The following LAMA4 variants were observed in gnomAD, a reference collection of about 807,000 sequenced individuals.
LAMA4 encodes the protein laminin subunit alpha 4, also known as laminin subunit alpha-4.
A neutral mutation model predicts 207.1 loss-of-function variants in LAMA4; 127 were observed. That is an observed-to-expected ratio of 0.61 (90% CI 0.53 to 0.71). LAMA4 has a LOEUF of 0.71. Ranked by LOEUF, LAMA4 falls within the 30% of genes least tolerant of loss-of-function variation. The pLI is 0.00. For synonymous variants in LAMA4, 761 were observed against 816.0 expected (o/e 0.93, Z 1.15); for missense variants, 2,093 against 2,246.5 (o/e 0.93, Z 1.38).
At chr6:112,195,421 G>C (rs1239210399) in intron 5 of LAMA4, among the ~76,000 whole-genome samples, 1 of 152,112 alleles carries the variant, frequency 6.6e-6, no homozygotes, top group Non-Finnish European at 1.5e-5. Context: ...CAGGGTCTAC[G>C]TGTGAAAAAC....
At position 112,132,890 on chromosome 6, in the gene LAMA4, T is replaced by G; in HGVS notation, c.3697A>C (p.Ile1233Leu). The G allele has an allele frequency of 6.2e-7, 1 of 1,612,842 alleles. No homozygotes were observed. Among genetic ancestry groups the G allele is most frequent in the Non-Finnish European group, 8.5e-7 (1 of 1,179,210 alleles). The change falls in exon 28 of 39, where the codon ATA (isoleucine) becomes CTA (leucine). Residue 1233 changes from isoleucine (I) to leucine (L), a missense_variant and splice_region_variant. Physicochemically the swap from Ile to Leu is conservative, Grantham distance 5. This residue lies in a region of LAMA4 where 1,704 missense variants were observed against 1,788.4 expected (regional missense o/e 0.95). Coordinates refer to ENST00000230538, the MANE Select transcript of LAMA4 (RefSeq NM_001105206.3). ...VGYGCPEDSL[I>L]SRRAYFNGQS... ...CCATTGAAATATGCTCTGCGAGATA[T>G]CTGTGTGCCAGAACAAGTGGAGATA...
At chr6:112,212,251 T>C (rs1554356914) in intron 3 of LAMA4, among the ~76,000 whole-genome samples, 2 of 149,412 alleles carry the variant, frequency 1.3e-5, no homozygotes, top group African/African-American at 2.5e-5. Flanking sequence ...TTTAACAGAG[T>C]CTTGCTCTGT....
intron 2 of LAMA4, among the ~76,000 whole-genome samples, chr6:112,232,192 G>T (rs1016117816): frequency 6.6e-6 from 1 of 152,120 alleles, no homozygotes; most frequent in Admixed American, 6.6e-5. Flanking sequence ...AGCACCAACT[G>T]CTTACAGAAA....
chr6:112,152,523 TTC>T (rs1257179194), intron 16 of LAMA4, among the ~76,000 whole-genome samples: 4 of 152,102 alleles, frequency 2.6e-5, no homozygotes, highest in African/African-American at 9.6e-5. Flanking sequence ...AATTCTTCAT[TTC>T]TGTTTGTGCT....
At chr6:112,241,762 A>G (rs1786531302) in intron 2 of LAMA4, among the ~76,000 whole-genome samples, 1 of 152,184 alleles carries the variant, frequency 6.6e-6, no homozygotes, top group Non-Finnish European at 1.5e-5. Context: ...GAGAATGGGG[A>G]CGTCGGCTCT....
intron 5 of LAMA4, among the ~76,000 whole-genome samples, chr6:112,193,401 A>G (rs1554349663): frequency 6.6e-6 from 1 of 152,022 alleles, no homozygotes; most frequent in African/African-American, 2.4e-5. Context: ...ATAATAAAAC[A>G]CTACATTTTT....
chr6:112,190,944 TTTCCTTTCTTTCTTTC>T (rs1783056104), intron 6 of LAMA4, among the ~76,000 whole-genome samples: 6 of 41,626 alleles, frequency 1.4e-4, no homozygotes, highest in Admixed American at 2.8e-4. Flanking sequence ...TCTTTCTTTC[TTTCCTTTCTTTCTTTC>T]TTTCTTTCTT....
intron 9 of LAMA4, among the ~76,000 whole-genome samples, chr6:112,182,933 A>T (rs1175557510): frequency 1.3e-5 from 2 of 152,182 alleles, no homozygotes; most frequent in African/African-American, 4.8e-5. Context: ...ACACAGATGG[A>T]TGGGCATCCT....
chr6:112,120,434 T>C lies in LAMA4; in HGVS notation c.4514A>G (p.His1505Arg), dbSNP rs1778282767. 3 of 1,613,944 alleles carry C rather than the reference T, an allele frequency of 1.9e-6. No homozygotes were observed. Among genetic ancestry groups the C allele is most frequent in the South Asian group, 1.1e-5 (1 of 91,080 alleles). The change falls in exon 33 of 39, where the codon CAT becomes CGT. Residue 1505 changes from histidine (H) to arginine (R), a missense_variant. His to Arg is a conservative substitution (Grantham distance 29). This residue lies in a region of LAMA4 where 383 missense variants were observed against 437.8 expected (regional missense o/e 0.87). Transcript: ENST00000230538. ...ATCTGAGACATAGAAGATCATGCCA[T>C]GGGAGGAACGAGTTCTCAGACGAAT... ...FSIRLRTRSSHGMIFYVSDQE... is the reference protein window; with the variant it reads ...FSIRLRTRSSRGMIFYVSDQE...
chr6:112,163,666 A>G (rs1257239184), intron 13 of LAMA4, among the ~76,000 whole-genome samples: 1 of 152,198 alleles, frequency 6.6e-6, no homozygotes, highest in Non-Finnish European at 1.5e-5. Flanking sequence ...GGAGGTAGAA[A>G]CAGCAATGAT....
At chr6:112,145,218 C>G (rs1485160554) in intron 18 of LAMA4, among the ~76,000 whole-genome samples, 3 of 152,200 alleles carry the variant, frequency 2.0e-5, no homozygotes, top group African/African-American at 7.2e-5. Context: ...CTCACAGCCA[C>G]TATTGTTTGA....
intron 27 of LAMA4, 131 bp downstream of exon 27, chr6:112,133,218 T>C: frequency 1.0e-6 from 1 of 992,690 alleles, no homozygotes; most frequent in Non-Finnish European, 1.6e-6. Flanking sequence ...TAATGGTTCT[T>C]CTTTCTGGTG....
At chr6:112,215,420 C>A (rs555016725) in intron 3 of LAMA4, among the ~76,000 whole-genome samples, 1 of 152,206 alleles carries the variant, frequency 6.6e-6, no homozygotes, top group African/African-American at 2.4e-5. Flanking sequence ...ACCTAAGAGG[C>A]CATTTAAAAT....
intron 33 of LAMA4, 147 bp downstream of exon 33, chr6:112,120,136 G>T (rs1175153298): frequency 3.0e-6 from 2 of 657,708 alleles, no homozygotes; most frequent in Non-Finnish European, 5.2e-6. Context: ...CTTTTATAAG[G>T]AATACAATTT....
chr6:112,121,073 G>T (rs1778327613), intron 32 of LAMA4, among the ~76,000 whole-genome samples: 1 of 150,462 alleles, frequency 6.6e-6, no homozygotes, highest in African/African-American at 2.4e-5. Flanking sequence ...GCAAGACCTT[G>T]TCTCAAAAAA....
chr6:112,160,205 T>C (rs534658863), intron 13 of LAMA4, among the ~76,000 whole-genome samples: 1 of 152,296 alleles, frequency 6.6e-6, no homozygotes, highest in East Asian at 1.9e-4. Context: ...CCAAAACCAA[T>C]GAACAGGTAT....
At chr6:112,131,920 TC>T (rs1779058410) in intron 28 of LAMA4, among the ~76,000 whole-genome samples, 1 of 152,164 alleles carries the variant, frequency 6.6e-6, no homozygotes, top group Admixed American at 6.6e-5. Flanking sequence ...GATCTTACAG[TC>T]ACCAATCCTC....
chr6:112,131,239 TAAC>T (rs1379459976), intron 28 of LAMA4, 138 bp from the exon 29 acceptor site: 5 of 779,370 alleles, frequency 6.4e-6, no homozygotes, highest in East Asian at 2.6e-5. Flanking sequence ...TTTCTATAAA[TAAC>T]AACCAAGAAT....
chr6:112,119,325 A>T lies in LAMA4; in HGVS notation c.4666-14T>A, dbSNP rs1583638254. 6.2e-7 allele frequency: 1 copy of T among 1,612,902 alleles called. No individual in the cohort carries two copies. The highest frequency in any genetic ancestry group is 1.3e-5 in the African/African-American group (1 of 74,930). ...AATAAATATCACCTGGATGAAGAGAAGGACAATAGCACATCTCAGGTACAT... is the reference window on the plus strand; with the variant it reads ...AATAAATATCACCTGGATGAAGAGATGGACAATAGCACATCTCAGGTACAT... On this transcript the variant is annotated splice_polypyrimidine_tract_variant and intron_variant, in intron 33 of 38. Transcript: ENST00000230538.
Sources: allele counts gnomAD v4.1 joint callset (sites outside exome capture counted in the v4.1 genomes callset), GRCh38; gene constraint gnomAD v4.1.1; regional missense constraint gnomAD v4.1.1; transcripts MANE v1.5; gene names NCBI Gene and HGNC (gene_info 2026-07-23, HGNC 2026-07-21).